GLIS3: variants seen among roughly 807,000 people sequenced by gnomAD.
GLIS3 encodes GLIS family zinc finger 3.
A neutral mutation model predicts 78.6 loss-of-function variants in GLIS3; 53 were observed. The ratio of observed to expected loss-of-function variants is 0.67; its 90% confidence interval spans 0.54 to 0.85. The LOEUF (loss-of-function observed/expected upper bound fraction) is 0.85, where lower values mean the gene tolerates loss of function less well. Among genes scored for constraint, GLIS3 ranks in the 40% least tolerant of loss-of-function variants. The pLI is 0.00. For synonymous variants in GLIS3, 684 were observed against 509.9 expected (o/e 1.34, Z -4.60); for missense variants, 1,703 against 1,231.1 (o/e 1.38, Z -5.74).
intron 4 of GLIS3, among the ~76,000 whole-genome samples, chr9:4,061,484 T>C (rs1393288183): frequency 6.6e-6 from 1 of 152,130 alleles, no homozygotes; most frequent in Non-Finnish European, 1.5e-5. Flanking sequence ...TTGGATCAAC[T>C]GTTAACATTA....
At chr9:4,009,991 G>A (rs904156761) in intron 4 of GLIS3, among the ~76,000 whole-genome samples, 3 of 152,172 alleles carry the variant, frequency 2.0e-5, no homozygotes, top group African/African-American at 7.2e-5. Context: ...GGGTCTCTAC[G>A]TCAGCACTGT....
At chr9:4,349,898 C>A (rs1035897590), upstream of GLIS3, among the ~76,000 whole-genome samples, 3 of 152,188 alleles carry the variant, frequency 2.0e-5, no homozygotes, top group East Asian at 1.9e-4. Context: ...AACTAGAAAT[C>A]GATGAATCTT....
intron 2 of GLIS3, among the ~76,000 whole-genome samples, chr9:4,345,051 G>A (rs1024795527): frequency 6.6e-6 from 1 of 152,112 alleles, no homozygotes; most frequent in African/African-American, 2.4e-5. Context: ...GTACAACCAC[G>A]AAAATGATTC....
the GLIS3 span, among the ~76,000 whole-genome samples, chr9:4,387,032 T>C: frequency 6.6e-6 from 1 of 152,186 alleles, no homozygotes; most frequent in Middle Eastern, 3.2e-3. Flanking sequence ...ACCTGGAACT[T>C]TTGTTGCATG....
chr9:4,354,909 G>T, the GLIS3 span, among the ~76,000 whole-genome samples: 1 of 152,124 alleles, frequency 6.6e-6, no homozygotes, highest in Non-Finnish European at 1.5e-5. Context: ...TAGGTCAGGA[G>T]ATCGAGACCA....
chr9:3,858,949 A>T (rs912419061), intron 8 of GLIS3, among the ~76,000 whole-genome samples: 1 of 152,350 alleles, frequency 6.6e-6, no homozygotes, highest in Non-Finnish European at 1.5e-5. Context: ...TTCAAAATGT[A>T]TTAATTGAAA....
intron 2 of GLIS3, among the ~76,000 whole-genome samples, chr9:4,315,594 A>T (rs1817424334): frequency 6.6e-6 from 1 of 152,070 alleles, no homozygotes; most frequent in African/African-American, 2.4e-5. Context: ...TTCCATGGAA[A>T]ACTCTTTTCA....
the GLIS3 span, among the ~76,000 whole-genome samples, chr9:4,396,322 TTGATCTCGAGTTGGCCAGGC>T: frequency 6.6e-6 from 1 of 152,026 alleles, no homozygotes; most frequent in African/African-American, 2.4e-5. Context: ...TTTCACCAGG[TTGATCTCGAGTTGGCCAGGC>T]TGATCTCGAA....
In GLIS3 at chr9:3,905,113, T is replaced by C. The variant is rs368308599; in HGVS notation, c.1984-6278A>G. Among the ~76,000 whole-genome samples the C allele has an allele frequency of 8.0e-4, 120 of 150,490 alleles. 1 individual carries two copies. In the East Asian group the frequency reaches 0.013, roughly 17 times the overall value. Reference sequence around the variant, plus strand: ...TCAGCCTCCCGAGTAGCTGGGACTATAGGCGCCTGCCGCCACGCCCGGTTA... The same window carrying C: ...TCAGCCTCCCGAGTAGCTGGGACTACAGGCGCCTGCCGCCACGCCCGGTTA... On this transcript the variant is annotated intron_variant, in intron 6 of 10. Transcript: ENST00000381971.
chr9:4,213,810 T>G (rs1269298973), intron 2 of GLIS3, among the ~76,000 whole-genome samples: 1 of 152,082 alleles, frequency 6.6e-6, no homozygotes, highest in Non-Finnish European at 1.5e-5. Flanking sequence ...CCAATAAACA[T>G]TAATCAAGCA....
intron 6 of GLIS3, among the ~76,000 whole-genome samples, chr9:3,917,937 T>C (rs1588222576): frequency 6.6e-6 from 1 of 152,158 alleles, no homozygotes; most frequent in African/African-American, 2.4e-5. Flanking sequence ...AAAAGAATGA[T>C]TGTATTGGCG....
At chr9:4,336,251 T>C (rs1349239945) in intron 2 of GLIS3, among the ~76,000 whole-genome samples, 1 of 152,194 alleles carries the variant, frequency 6.6e-6, no homozygotes, top group African/African-American at 2.4e-5. Flanking sequence ...CATGGCCACA[T>C]GTGATATATG....
intron 4 of GLIS3, among the ~76,000 whole-genome samples, chr9:4,103,170 C>G: frequency 6.6e-6 from 1 of 152,180 alleles, no homozygotes; most frequent in South Asian, 2.1e-4. Context: ...ACACATAGTA[C>G]ACAAAAGGTT....
chr9:4,059,636 T>C (rs1227170061), intron 4 of GLIS3, among the ~76,000 whole-genome samples: 1 of 152,168 alleles, frequency 6.6e-6, no homozygotes, highest in Non-Finnish European at 1.5e-5. Context: ...TGGAGATCCT[T>C]ATTATTCTAA....
At chr9:3,974,800 G>A (rs1163887329) in intron 4 of GLIS3, among the ~76,000 whole-genome samples, 1 of 152,154 alleles carries the variant, frequency 6.6e-6, no homozygotes, top group East Asian at 1.9e-4. Flanking sequence ...AGTTGTAAAA[G>A]TATGCAGTTC....
chr9:4,086,785 T>C (rs1351285254), intron 4 of GLIS3, among the ~76,000 whole-genome samples: 1 of 152,230 alleles, frequency 6.6e-6, no homozygotes, highest in East Asian at 1.9e-4. Flanking sequence ...CTTCACTAAC[T>C]AGAGAGAGCC....
intron 8 of GLIS3, among the ~76,000 whole-genome samples, chr9:3,877,805 TCTC>T (rs113754701): frequency 0.034 from 5,252 of 152,252 alleles, 347 homozygotes; most frequent in African/African-American, 0.12. Context: ...GCAATATTCT[TCTC>T]CTTGTTTTTC....
the GLIS3 span, among the ~76,000 whole-genome samples, chr9:4,490,077 G>T: frequency 1.3e-5 from 2 of 152,224 alleles, no homozygotes; most frequent in East Asian, 1.9e-4. Context: ...CACCCGTTCT[G>T]CAGGTGCCGG....
At chr9:4,152,498 A>G (rs1368467138) in intron 2 of GLIS3, among the ~76,000 whole-genome samples, 1 of 152,232 alleles carries the variant, frequency 6.6e-6, no homozygotes, top group Non-Finnish European at 1.5e-5. Context: ...ATTATGTGAC[A>G]TGAAGCAGAG....
Sources: gnomAD v4.1 joint callset for allele counts (sites outside exome capture counted in the v4.1 genomes callset) on GRCh38, gnomAD v4.1.1 for gene constraint, MANE v1.5 for transcripts, NCBI Gene and HGNC (gene_info 2026-07-23, HGNC 2026-07-21) for gene names.